ANTXRL: variants seen among roughly 807,000 people sequenced by gnomAD.
ANTXRL encodes the protein ANTXR like, also known as anthrax toxin receptor-like.
In ANTXRL, 63 loss-of-function variants were observed where a neutral mutation model predicts 75.4. The observed-to-expected ratio is 0.84, with a 90% confidence interval of 0.68 to 1.03. ANTXRL has a LOEUF of 1.03. ANTXRL is among the 50% of genes least tolerant of loss of function. The pLI, the probability that ANTXRL is intolerant of heterozygous loss-of-function variation, is 0.00. For missense variants in ANTXRL, 797 were observed against 789.4 expected, an observed-to-expected ratio of 1.01 and a Z score of -0.12; for synonymous variants, 335 against 291.3, an observed-to-expected ratio of 1.15 and a Z score of -1.53.
rs527525778 is a variant in ANTXRL, at chr10:46,303,194, C to T, written c.895+374C>T. 2.7e-4 allele frequency among the ~76,000 whole-genome samples: 41 copies of T among 152,280 alleles called. No individual in the cohort carries two copies. In the South Asian group the frequency reaches 7.1e-3, roughly 26 times the overall value. On this transcript the variant is annotated intron_variant, in intron 10 of 16. Transcript: ENST00000620264. Reference sequence around the variant, plus strand: ...TACTTCTAGGAAATGGTGGCAGCCCCGGAGATCTGAGCCTGAATGGCCAGG... The same window carrying T: ...TACTTCTAGGAAATGGTGGCAGCCCTGGAGATCTGAGCCTGAATGGCCAGG...
chr10:46,304,584 T>C (rs1837958783), intron 10 of ANTXRL, among the ~76,000 whole-genome samples: 2 of 152,176 alleles, frequency 1.3e-5, no homozygotes, highest in South Asian at 4.1e-4. Flanking sequence ...GATATTTTTG[T>C]TATCAGGCAT....
chr10:46,320,315 G>T (rs1489025149), intron 16 of ANTXRL, among the ~76,000 whole-genome samples: 2 of 152,158 alleles, frequency 1.3e-5, no homozygotes, highest in Non-Finnish European at 2.9e-5. Context: ...AAATTTTGTA[G>T]CCAGACAGAC....
chr10:46,308,600 C>G (rs1370722785), intron 12 of ANTXRL: 3 of 375,856 alleles, frequency 8.0e-6, no homozygotes, highest in Middle Eastern at 3.7e-4. Context: ...TGGTTCTGAG[C>G]CAGGACTTGG....
Position 46,287,207 on chromosome 10 carries a change from C to G in ANTXRL, c.-56C>G. ...AAGAAGGGGCCTGTGCTCAGCCTCT[C>G]TGGGCCCTGGCACAGGCACCCAAGA... is the stretch of plus-strand genomic sequence containing the variant. On this transcript the variant is annotated 5_prime_UTR_variant, in exon 1 of 17. Coordinates refer to ENST00000620264, the MANE Select transcript of ANTXRL (RefSeq NM_001278688.3). The G allele has an allele frequency of 6.6e-7, 1 of 1,521,592 alleles. No individual in the cohort carries two copies. The highest frequency in any genetic ancestry group is 8.8e-7 in the Non-Finnish European group (1 of 1,140,884). The allele number at this position is 1,521,592 out of a possible 1,614,324, so 94.3% of individuals were successfully genotyped here. A position where few individuals can be genotyped will look rare whatever the true frequency, so the allele number is the denominator to read the frequency against.
At chr10:46,320,788 C>T (rs1838942827) in intron 16 of ANTXRL, among the ~76,000 whole-genome samples, 1 of 152,046 alleles carries the variant, frequency 6.6e-6, no homozygotes, top group Non-Finnish European at 1.5e-5. Flanking sequence ...TTTTTTGTAC[C>T]TCCCTTATAA....
chr10:46,310,434 T>C, intron 13 of ANTXRL, 27 bp from the exon 14 acceptor site: 1 of 1,535,806 alleles, frequency 6.5e-7, no homozygotes, highest in Non-Finnish European at 8.7e-7. Context: ...CCATCCAGCC[T>C]GTGTTTGTCT....
intron 2 of ANTXRL, among the ~76,000 whole-genome samples, chr10:46,292,470 A>G (rs1565013047): frequency 6.6e-6 from 1 of 152,132 alleles, no homozygotes. Context: ...GGGGCAAAGA[A>G]CTCCGTGGAA....
chr10:46,287,545 C>T (rs542713873), intron 1 of ANTXRL, 35 bp downstream of exon 1: 3 of 1,513,090 alleles, frequency 2.0e-6, no homozygotes, highest in South Asian at 2.5e-5. Flanking sequence ...CCTGGGTCAC[C>T]CTCAGGAGCC....
chr10:46,312,631 G>C (rs1456415445), intron 15 of ANTXRL, among the ~76,000 whole-genome samples: 1 of 145,428 alleles, frequency 6.9e-6, no homozygotes, highest in Non-Finnish European at 1.5e-5. Flanking sequence ...CCAGGGGGAG[G>C]AAGTCACCTG....
chr10:46,293,962 G>A, intron 3 of ANTXRL, 62 bp downstream of exon 3: 3 of 1,468,818 alleles, frequency 2.0e-6, no homozygotes, highest in South Asian at 2.5e-5. Flanking sequence ...GAGCTCCAGG[G>A]AGCTGAAGGG....
intron 16 of ANTXRL, among the ~76,000 whole-genome samples, chr10:46,319,600 G>A (rs1838887918): frequency 6.6e-6 from 1 of 152,104 alleles, no homozygotes; most frequent in Non-Finnish European, 1.5e-5. Context: ...CTTTGTTCAG[G>A]GTGTACAGGC....
rs141459949 is a variant in ANTXRL at position 46,300,994 on chromosome 10, C to CT, written c.797-1727dup. 1.9e-3 allele frequency among the ~76,000 whole-genome samples: 284 copies of CT among 150,004 alleles called. 1 individual carries two copies. The highest frequency in any genetic ancestry group is 0.016 in the East Asian group (79 of 5,076). On this transcript the variant is annotated intron_variant, in intron 9 of 16. Coordinates refer to ENST00000620264, the MANE Select transcript of ANTXRL (RefSeq NM_001278688.3). The stretch of plus-strand genomic sequence containing the variant: ...TGTTCCTTTATCTCTCCCACCCCCC[C>CT]TCTCTCTTCATCCATCCACCTTGAA...
At position 46,296,037 on chromosome 10, in the gene ANTXRL, T is replaced by C; in HGVS notation, c.411T>C (p.Gly137=). ...LTSDKNRIKN[G]LDQLQKIVPD... ...TTTTCAGGAATAGAATAAAAAACGG[T>C]CTTGACCAACTTCAGAAAATTGTGC... Residue 137 remains glycine (G), a synonymous_variant, in exon 4 of 17, where the codon GGT becomes GGC. Coordinates refer to ENST00000620264, the MANE Select transcript of ANTXRL (RefSeq NM_001278688.3). 1 of 1,535,802 alleles carries C rather than the reference T, an allele frequency of 6.5e-7. No homozygotes were observed. Among genetic ancestry groups the C allele is most frequent in the South Asian group, 1.2e-5 (1 of 84,042 alleles).
chr10:46,301,319 G>T (rs1554960523), intron 9 of ANTXRL, among the ~76,000 whole-genome samples: 1 of 152,218 alleles, frequency 6.6e-6, no homozygotes, highest in Non-Finnish European at 1.5e-5. Context: ...GGCTTGCCCT[G>T]AGGGGCCCAT....
At chr10:46,328,107 C>G (rs1554966843) in intron 16 of ANTXRL, among the ~76,000 whole-genome samples, 1 of 152,118 alleles carries the variant, frequency 6.6e-6, no homozygotes, top group African/African-American at 2.4e-5. Flanking sequence ...ATGGGCTCAG[C>G]TTTCTGCCAG....
rs1554958532 is a variant in ANTXRL, at chr10:46,296,061, G to T, written c.435G>T (p.Val145=). The part of the protein sequence containing the change: ...KNGLDQLQKI[V]PDGHTFMQAG... ...GTCTTGACCAACTTCAGAAAATTGTGCCTGACGGTCACACATTCATGCAGG... is the reference window on the plus strand; with the variant it reads ...GTCTTGACCAACTTCAGAAAATTGTTCCTGACGGTCACACATTCATGCAGG... The change falls in exon 4 of 17, where the codon GTG becomes GTT. Residue 145 remains valine, a synonymous_variant. Transcript: ENST00000620264. The T allele has an allele frequency of 4.6e-6, 7 of 1,535,916 alleles. No homozygotes were observed. Among genetic ancestry groups the T allele is most frequent in the Non-Finnish European group, 4.4e-6 (5 of 1,146,754 alleles).
At chr10:46,297,698 G>T in intron 7 of ANTXRL, 133 bp from the exon 8 acceptor site, 1 of 914,108 alleles carries the variant, frequency 1.1e-6, no homozygotes, top group East Asian at 2.6e-5. Context: ...GCTGGCTGGA[G>T]AAGTCTGTGA....
At chr10:46,313,207 G>A in intron 15 of ANTXRL, 29 bp from the exon 16 acceptor site, 1 of 1,531,500 alleles carries the variant, frequency 6.5e-7, no homozygotes, top group Non-Finnish European at 8.8e-7. Context: ...CAAGCTGCAT[G>A]TCTTCCTCAT....
intron 16 of ANTXRL, among the ~76,000 whole-genome samples, chr10:46,326,707 C>T (rs1327170892): frequency 2.6e-5 from 4 of 152,084 alleles, no homozygotes; most frequent in African/African-American, 7.2e-5. Flanking sequence ...TGGTCCAGCA[C>T]ATCCTGATGG....
Sources: allele counts gnomAD v4.1 joint callset (sites outside exome capture counted in the v4.1 genomes callset), GRCh38; gene constraint gnomAD v4.1.1; transcripts MANE v1.5; gene names NCBI Gene and HGNC (gene_info 2026-07-23, HGNC 2026-07-21).